ERBIN: variants seen among roughly 807,000 people sequenced by gnomAD.
ERBIN encodes the protein erbb2 interacting protein, also known as densin-180-like protein.
In ERBIN, 60 loss-of-function variants were observed where a neutral mutation model predicts 158.4. The observed-to-expected ratio is 0.38, with a 90% CI of 0.31 to 0.47. The LOEUF is 0.47. ERBIN is among the 20% of genes least tolerant of loss of function. ERBIN has a pLI of 0.99. For synonymous variants in ERBIN, 594 were observed against 557.2 expected (o/e 1.07, Z -0.93); for missense variants, 1,610 against 1,648.0 (o/e 0.98, Z 0.40).
At chr5:65,927,183 A>T (rs998002233) in intron 1 of ERBIN, among the ~76,000 whole-genome samples, 1 of 152,128 alleles carries the variant, frequency 6.6e-6, no homozygotes, top group Admixed American at 6.5e-5. Flanking sequence ...TTGGGAAGAA[A>T]GTTTGGTCGC....
At chr5:66,013,719 ACTC>A (rs1444622897) in intron 6 of ERBIN, 81 bp downstream of exon 6, 30 of 836,840 alleles carry the variant, frequency 3.6e-5, no homozygotes, top group Non-Finnish European at 4.6e-5. Flanking sequence ...TGGTAGTACT[ACTC>A]ATTACAGTTT....
At chr5:65,963,423 C>T (rs1014841721) in intron 1 of ERBIN, among the ~76,000 whole-genome samples, 9 of 152,068 alleles carry the variant, frequency 5.9e-5, no homozygotes, top group African/African-American at 2.2e-4. Context: ...CCGTGAAACC[C>T]CGTCTCTACT....
chr5:65,954,724 G>A (rs572532097), intron 1 of ERBIN, among the ~76,000 whole-genome samples: 97 of 151,878 alleles, frequency 6.4e-4, no homozygotes, highest in African/African-American at 2.3e-3. Context: ...AATTTTAGCA[G>A]GAATATCTTT....
At chr5:65,928,636 G>C (rs1189736388) in intron 1 of ERBIN, among the ~76,000 whole-genome samples, 1 of 152,142 alleles carries the variant, frequency 6.6e-6, no homozygotes, top group Non-Finnish European at 1.5e-5. Flanking sequence ...CAGGAGAAGA[G>C]TAGTATGTTT....
chr5:66,060,581 G>C (rs1309769807), intron 21 of ERBIN, among the ~76,000 whole-genome samples: 1 of 152,128 alleles, frequency 6.6e-6, no homozygotes, highest in African/African-American at 2.4e-5. Flanking sequence ...TCTTCTGCTA[G>C]TTTTTGAATG....
At chr5:66,062,051 T>C (rs1043769911) in intron 21 of ERBIN, among the ~76,000 whole-genome samples, 1 of 152,218 alleles carries the variant, frequency 6.6e-6, no homozygotes, top group Non-Finnish European at 1.5e-5. Context: ...GGAGTATCTT[T>C]GTGGCGTTCT....
At chr5:65,959,079 A>G (rs1473284150) in intron 1 of ERBIN, among the ~76,000 whole-genome samples, 2 of 152,212 alleles carry the variant, frequency 1.3e-5, no homozygotes, top group African/African-American at 4.8e-5. Flanking sequence ...AACTTTATTT[A>G]TACGTGTTGT....
intron 25 of ERBIN, among the ~76,000 whole-genome samples, chr5:66,077,816 ACT>A (rs1277502724): frequency 0.042 from 6,066 of 146,154 alleles, 422 homozygotes; most frequent in African/African-American, 0.16. Flanking sequence ...ACACAGTCAC[ACT>A]CACTCATACA....
intron 1 of ERBIN, among the ~76,000 whole-genome samples, chr5:65,983,335 A>G (rs1478957626): frequency 6.6e-6 from 1 of 152,128 alleles, no homozygotes; most frequent in Non-Finnish European, 1.5e-5. Flanking sequence ...CATTTTATAT[A>G]TATTTAGTTT....
chr5:66,008,379 A>G (rs1753845695), intron 4 of ERBIN, among the ~76,000 whole-genome samples: 1 of 152,222 alleles, frequency 6.6e-6, no homozygotes, highest in Non-Finnish European at 1.5e-5. Context: ...AGATCGCGCC[A>G]CTGCACTCCA....
intron 4 of ERBIN, among the ~76,000 whole-genome samples, chr5:66,002,035 A>T (rs776717309): frequency 6.6e-6 from 1 of 151,588 alleles, no homozygotes; most frequent in South Asian, 2.1e-4. Context: ...TGATTGTTCA[A>T]CTCCCACTTA....
intron 4 of ERBIN, among the ~76,000 whole-genome samples, chr5:66,001,870 A>G (rs180746046): frequency 4.1e-4 from 63 of 152,184 alleles, no homozygotes; most frequent in African/African-American, 1.4e-3. Flanking sequence ...ATAGGTATAC[A>G]CGTGCCATGG....
At chr5:65,962,445 A>G (rs181357444) in intron 1 of ERBIN, among the ~76,000 whole-genome samples, 1 of 151,870 alleles carries the variant, frequency 6.6e-6, no homozygotes, top group African/African-American at 2.4e-5. Flanking sequence ...AAATGTTAGG[A>G]CTTATGCAAC....
At chr5:65,966,705 AAAAAG>A (rs1433411709) in intron 1 of ERBIN, among the ~76,000 whole-genome samples, 2 of 149,284 alleles carry the variant, frequency 1.3e-5, no homozygotes, top group East Asian at 3.9e-4. Context: ...AAAAAAAAAA[AAAAAG>A]GTAACTGTAA....
rs183494011 is a variant in ERBIN, at chr5:66,005,795, A to G, written c.308-6254A>G. On this transcript the variant is annotated intron_variant, in intron 4 of 25. Coordinates refer to ENST00000284037, the MANE Select transcript of ERBIN (RefSeq NM_001253697.2). ...AATCATGAGTGAACTCCCATTCACA[A>G]TTGCTTCAAAGGGAATAAAATACCT... Among the ~76,000 whole-genome samples, 17 of 152,376 alleles carry G rather than the reference A, an allele frequency of 1.1e-4. No homozygotes were observed. The East Asian group carries it at 3.3e-3, about 29-fold the overall frequency.
In ERBIN at chr5:66,050,990, T is replaced by C. The variant is rs761348464; in HGVS notation, c.2087+24T>C. Reference sequence around the variant, plus strand: ...AGGTGTGTGAACCTCTTTTACAGTTTTTTATTTATACAATAAATAGAAGTA... The same window carrying C: ...AGGTGTGTGAACCTCTTTTACAGTTCTTTATTTATACAATAAATAGAAGTA... On this transcript the variant is annotated intron_variant, in intron 20 of 25. Transcript: ENST00000284037. 2.5e-5 allele frequency: 38 copies of C among 1,496,294 alleles called. 1 individual carries two copies. The African/African-American group carries it at 3.5e-4, about 14-fold the overall frequency. The allele number at this position is 1,496,294 out of a possible 1,614,324, so 92.7% of individuals were successfully genotyped here.
intron 4 of ERBIN, among the ~76,000 whole-genome samples, chr5:66,002,128 G>C: frequency 6.6e-6 from 1 of 152,108 alleles, no homozygotes; most frequent in East Asian, 1.9e-4. Flanking sequence ...TCCATGTCCC[G>C]GTAAAGGACA....
At chr5:65,965,995 A>G (rs1748576887) in intron 1 of ERBIN, among the ~76,000 whole-genome samples, 2 of 152,216 alleles carry the variant, frequency 1.3e-5, no homozygotes, top group African/African-American at 4.8e-5. Context: ...CTACTATAAC[A>G]AGGTATGTTA....
At chr5:65,997,295 G>A (rs180928891) in intron 4 of ERBIN, among the ~76,000 whole-genome samples, 136 of 152,264 alleles carry the variant, frequency 8.9e-4, no homozygotes, top group African/African-American at 3.1e-3. Flanking sequence ...TACCTGATGT[G>A]TTGAGAGTTT....
Sources: gnomAD v4.1 joint callset for allele counts (sites outside exome capture counted in the v4.1 genomes callset) on GRCh38, gnomAD v4.1.1 for gene constraint, MANE v1.5 for transcripts, NCBI Gene and HGNC (gene_info 2026-07-23, HGNC 2026-07-21) for gene names.